The following NAALADL2 variants were observed in gnomAD, a reference collection of about 807,000 sequenced individuals.
NAALADL2 encodes N-acetylated alpha-linked acidic dipeptidase like 2, also known as inactive N-acetylated-alpha-linked acidic dipeptidase-like protein 2.
In NAALADL2, 76 loss-of-function variants were observed where a neutral mutation model predicts 87.2. That is an observed-to-expected ratio of 0.87 (90% CI 0.72 to 1.05). The LOEUF is 1.05. NAALADL2 is among the 50% of genes least tolerant of loss of function. NAALADL2 has a pLI of 0.00. For missense variants in NAALADL2, 1,089 were observed against 945.8 expected, an observed-to-expected ratio of 1.15 and a Z score of -1.99; for synonymous variants, 354 against 331.0, an observed-to-expected ratio of 1.07 and a Z score of -0.75.
intron 9 of NAALADL2, among the ~76,000 whole-genome samples, chr3:175,529,290 T>C (rs1733802322): frequency 6.6e-6 from 1 of 152,228 alleles, no homozygotes; most frequent in Non-Finnish European, 1.5e-5. Flanking sequence ...AGTGTCCAGA[T>C]GGCAATCTTA....
chr3:174,444,041 GTTGT>G (rs1714863795), intron 1 of NAALADL2, among the ~76,000 whole-genome samples: 4 of 144,744 alleles, frequency 2.8e-5, no homozygotes, highest in Admixed American at 1.4e-4. Flanking sequence ...TGGAGCGTTA[GTTGT>G]AGGACCAGAT....
At chr3:175,606,939 T>C (rs1340809616) in intron 10 of NAALADL2, among the ~76,000 whole-genome samples, 1 of 152,154 alleles carries the variant, frequency 6.6e-6, no homozygotes, top group Non-Finnish European at 1.5e-5. Context: ...TAACAAGCAA[T>C]TGAGTTGCTT....
chr3:174,581,207 A>G (rs1481041027), intron 2 of NAALADL2, among the ~76,000 whole-genome samples: 1 of 152,180 alleles, frequency 6.6e-6, no homozygotes, highest in Non-Finnish European at 1.5e-5. Context: ...AAGTGCCAAG[A>G]ATCTAAATTG....
intron 2 of NAALADL2, among the ~76,000 whole-genome samples, chr3:174,651,161 A>T (rs1724318089): frequency 6.6e-6 from 1 of 152,206 alleles, no homozygotes; most frequent in Non-Finnish European, 1.5e-5. Flanking sequence ...TTCATGGAAT[A>T]TGATGATATG....
At chr3:175,687,774 T>C (rs1364911366) in intron 11 of NAALADL2, among the ~76,000 whole-genome samples, 1 of 152,166 alleles carries the variant, frequency 6.6e-6, no homozygotes, top group Non-Finnish European at 1.5e-5. Context: ...GATAGTGAGT[T>C]CATTCTTTCT....
intron 2 of NAALADL2, among the ~76,000 whole-genome samples, chr3:175,117,556 CCA>C (rs1725455687): frequency 6.6e-6 from 1 of 151,490 alleles, no homozygotes; most frequent in Admixed American, 6.6e-5. Flanking sequence ...CAAATCAAAA[CCA>C]CAATGAGGTA....
intron 11 of NAALADL2, among the ~76,000 whole-genome samples, chr3:175,639,525 T>C (rs531287482): frequency 6.6e-6 from 1 of 152,054 alleles, no homozygotes; most frequent in East Asian, 1.9e-4. Flanking sequence ...TTTCACAGTG[T>C]TAGCCAGGTT....
intron 9 of NAALADL2, among the ~76,000 whole-genome samples, chr3:175,504,565 T>TTCTCTCTCTCTCTCTCTCTCTCTC (rs200985901): frequency 1.6e-4 from 21 of 134,422 alleles, no homozygotes; most frequent in Non-Finnish European, 2.7e-4. Flanking sequence ...CTCTCTCTGT[T>TTCTCTCTCTCTCTCTCTCTCTCTC]TCTCTCTCTC....
chr3:175,613,435 T>G (rs923461754), intron 10 of NAALADL2, among the ~76,000 whole-genome samples: 1 of 152,242 alleles, frequency 6.6e-6, no homozygotes, highest in African/African-American at 2.4e-5. Context: ...AATTACAACA[T>G]TATGCATCGT....
At chr3:175,463,044 T>C (rs547952290) in intron 6 of NAALADL2, among the ~76,000 whole-genome samples, 1 of 152,298 alleles carries the variant, frequency 6.6e-6, no homozygotes, top group East Asian at 1.9e-4. Flanking sequence ...TTTTAATCTA[T>C]TTTTTTCTGT....
intron 1 of NAALADL2, among the ~76,000 whole-genome samples, chr3:174,971,486 C>A (rs559857280): frequency 6.6e-6 from 1 of 152,192 alleles, no homozygotes; most frequent in African/African-American, 2.4e-5. Context: ...AATTAGGTAC[C>A]CCTTTTATGG....
At chr3:175,246,173 G>A (rs1747938545) in intron 3 of NAALADL2, among the ~76,000 whole-genome samples, 1 of 151,980 alleles carries the variant, frequency 6.6e-6, no homozygotes, top group African/African-American at 2.4e-5. Flanking sequence ...AGGTAAACGT[G>A]GATAATCACT....
intron 2 of NAALADL2, among the ~76,000 whole-genome samples, chr3:174,556,548 C>T (rs953919098): frequency 6.6e-6 from 1 of 151,306 alleles, no homozygotes; most frequent in Non-Finnish European, 1.5e-5. Flanking sequence ...AAATAAACAA[C>T]GTTGGAAAAT....
At chr3:174,811,135 G>T (rs1472572132) in intron 3 of NAALADL2, among the ~76,000 whole-genome samples, 3 of 152,190 alleles carry the variant, frequency 2.0e-5, no homozygotes, top group South Asian at 2.1e-4. Flanking sequence ...GGCTTCAGGG[G>T]CAGAGCCCTT....
intron 2 of NAALADL2, among the ~76,000 whole-genome samples, chr3:174,702,623 A>G (rs1729664776): frequency 6.6e-6 from 1 of 152,234 alleles, no homozygotes; most frequent in Non-Finnish European, 1.5e-5. Context: ...CAGCTAGGCT[A>G]TGATATAGGC....
intron 2 of NAALADL2, chr3:175,115,164 A>T (rs1350122951): frequency 6.6e-6 from 1 of 151,652 alleles, no homozygotes; most frequent in Admixed American, 6.6e-5. Flanking sequence ...ATATTTCTTC[A>T]TAGTTCTTAA....
intron 11 of NAALADL2, among the ~76,000 whole-genome samples, chr3:175,646,444 A>G (rs1191691256): frequency 6.6e-6 from 1 of 152,062 alleles, no homozygotes; most frequent in East Asian, 1.9e-4. Context: ...TTCCAAATCC[A>G]GATACAATTT....
At chr3:175,004,586 G>T (rs1748754682) in intron 1 of NAALADL2, among the ~76,000 whole-genome samples, 1 of 151,858 alleles carries the variant, frequency 6.6e-6, no homozygotes, top group African/African-American at 2.4e-5. Flanking sequence ...GTGTGAGGAA[G>T]TATAAGAAAA....
At chr3:175,786,988 G>A (rs1752073473) in intron 13 of NAALADL2, among the ~76,000 whole-genome samples, 1 of 152,004 alleles carries the variant, frequency 6.6e-6, no homozygotes, top group South Asian at 2.1e-4. Context: ...GTGTCAGAGT[G>A]CCCCTGCTGG....
Sources: gnomAD v4.1 joint callset for allele counts (sites outside exome capture counted in the v4.1 genomes callset) on GRCh38, gnomAD v4.1.1 for gene constraint, MANE v1.5 for transcripts, NCBI Gene and HGNC (gene_info 2026-07-23, HGNC 2026-07-21) for gene names.